The following RASSF5 variants were observed in gnomAD, a reference collection of about 807,000 sequenced individuals.
RASSF5 encodes the protein ras association domain-containing protein 5.
In RASSF5, 25 loss-of-function variants were observed where a neutral mutation model predicts 40.5. The observed-to-expected ratio is 0.62, with a 90% CI of 0.45 to 0.86. The LOEUF (loss-of-function observed/expected upper bound fraction) is 0.86. Ranked by LOEUF, RASSF5 falls within the 40% of genes least tolerant of loss-of-function variation. The pLI, the probability that RASSF5 is intolerant of heterozygous loss-of-function variation, is 0.00. For synonymous variants in RASSF5, 246 were observed against 252.4 expected, an observed-to-expected ratio of 0.97 and a Z score of 0.24; for missense variants, 521 against 572.8, an observed-to-expected ratio of 0.91 and a Z score of 0.92.
intron 1 of RASSF5, among the ~76,000 whole-genome samples, chr1:206,512,506 T>G (rs1666643752): frequency 6.6e-6 from 1 of 152,094 alleles, no homozygotes; most frequent in Admixed American, 6.6e-5. Flanking sequence ...GTAATGAACG[T>G]GTGTGTTTGC....
intron 2 of RASSF5, among the ~76,000 whole-genome samples, chr1:206,578,233 A>AAGTGTGTGT (rs1444904780): frequency 2.6e-5 from 3 of 117,494 alleles, no homozygotes; most frequent in Admixed American, 2.5e-4. Flanking sequence ...AAAAAAAAAA[A>AAGTGTGTGT]GTGTGTGTGT....
chr1:206,560,284 G>A lies in RASSF5; in HGVS notation c.579+21991G>A, dbSNP rs1415165527. 6.6e-6 allele frequency among the ~76,000 whole-genome samples: 1 copy of A among 152,194 alleles called. No individual in the cohort carries two copies. The highest frequency in any genetic ancestry group is 2.4e-5 in the African/African-American group (1 of 41,456). On this transcript the variant is annotated intron_variant, in intron 2 of 5. Transcript: ENST00000579436. The surrounding 1 kb of genome is among the most constrained non-coding windows in gnomAD (Gnocchi z 5.1). The stretch of plus-strand genomic sequence containing the variant: ...AGAGCTTCAGGGAAGCCTCACTGCT[G>A]TGCGATGCCACCACCTGGGAGTTGC...
chr1:206,553,824 T>A (rs1667913343), intron 2 of RASSF5, among the ~76,000 whole-genome samples: 1 of 152,212 alleles, frequency 6.6e-6, no homozygotes, highest in Admixed American at 6.5e-5. Context: ...GTGGTTATTA[T>A]GAGAGTAATC....
chr1:206,538,076 C>T (rs1667463074), intron 1 of RASSF5, 96 bp from the exon 2 acceptor site: 2 of 1,547,176 alleles, frequency 1.3e-6, no homozygotes, highest in African/African-American at 2.7e-5. Flanking sequence ...GCTCTTCCCA[C>T]TGGGAACTAA....
rs529094100 is a variant in RASSF5 at position 206,511,971 on chromosome 1, T to G, written c.457+3912T>G. ...GAGAAAGGTCTTCATTTCAGGCCTC[T>G]CAGAAATCATCCTGTGTTGTTCTGG... On this transcript the variant is annotated intron_variant, in intron 1 of 5. Transcript: ENST00000579436. Among the ~76,000 whole-genome samples the G allele has an allele frequency of 9.2e-5, 14 of 152,322 alleles. No individual in the cohort carries two copies. In the South Asian group the frequency reaches 2.9e-3, roughly 32 times the overall value.
rs979130047 is a variant in RASSF5 at position 206,572,464 on chromosome 1, G to A, written c.580-10805G>A. ...CTGGGATGCAGCAGAGAGGAAGGGA[G>A]TCTGTCCAGACCTGGGGCTAGGGTA... is the stretch of plus-strand genomic sequence containing the variant. On this transcript the variant is annotated intron_variant, in intron 2 of 5. Coordinates refer to ENST00000579436, the MANE Select transcript of RASSF5 (RefSeq NM_182663.4). The A allele has an allele frequency of 1.2e-4, 18 of 152,388 alleles. 2 individuals are homozygous for A. The highest frequency in any genetic ancestry group is 9.1e-4 in the Admixed American group (14 of 15,310). 9.4% of individuals were successfully genotyped at this position (152,388 alleles called of 1,614,324 possible). A position where few individuals can be genotyped will look rare whatever the true frequency, so the allele number is the denominator to read the frequency against.
At chr1:206,556,468 T>G (rs1404437889) in intron 2 of RASSF5, among the ~76,000 whole-genome samples, 1 of 152,240 alleles carries the variant, frequency 6.6e-6, no homozygotes, top group Non-Finnish European at 1.5e-5. Flanking sequence ...TATGTGTTCC[T>G]TTGTCCAGTC....
At chr1:206,514,789 G>A (rs113697339) in intron 1 of RASSF5, among the ~76,000 whole-genome samples, 19 of 152,314 alleles carry the variant, frequency 1.2e-4, no homozygotes, top group African/African-American at 3.6e-4. Flanking sequence ...GTTTGCTGAA[G>A]ATACAAGCTG....
rs1412785831 is a variant in RASSF5 at position 206,579,678 on chromosome 1, G to A, written c.580-3591G>A. ...ACTAGGAGATTTTTAAAATTCCCATGCCCAGACTGCACCCCAGACCAATTA... is the reference window on the plus strand; with the variant it reads ...ACTAGGAGATTTTTAAAATTCCCATACCCAGACTGCACCCCAGACCAATTA... On this transcript the variant is annotated intron_variant, in intron 2 of 5. Transcript: ENST00000579436. The surrounding 1 kb of genome is among the most constrained non-coding windows in gnomAD (Gnocchi z 4.2). Among the ~76,000 whole-genome samples the A allele has an allele frequency of 1.3e-5, 2 of 152,184 alleles. No individual in the cohort carries two copies. The highest frequency in any genetic ancestry group is 4.8e-5 in the African/African-American group (2 of 41,436).
At chr1:206,543,536 T>A (rs1474546760) in intron 2 of RASSF5, 1 of 150,178 alleles carries the variant, frequency 6.7e-6, no homozygotes, top group Non-Finnish European at 1.5e-5. Flanking sequence ...CCATTTGTAT[T>A]TTGCATGTAT....
At chr1:206,536,944 A>G (rs1667429707) in intron 1 of RASSF5, among the ~76,000 whole-genome samples, 1 of 152,088 alleles carries the variant, frequency 6.6e-6, no homozygotes, top group Non-Finnish European at 1.5e-5. Flanking sequence ...TGAGGACCAC[A>G]CCTCAGATCC....
At chr1:206,523,269 G>A (rs1666953831) in intron 1 of RASSF5, among the ~76,000 whole-genome samples, 1 of 147,298 alleles carries the variant, frequency 6.8e-6, no homozygotes, top group African/African-American at 2.5e-5. Context: ...GTGCCACTGT[G>A]CTCCAGCCTG....
rs192684187 is a variant in RASSF5, at chr1:206,562,714, C to T, written c.580-20555C>T. Among the ~76,000 whole-genome samples the T allele has an allele frequency of 3.5e-3, 530 of 152,182 alleles. 1 individual carries two copies. Among genetic ancestry groups the T allele is most frequent in the African/African-American group, 0.012 (502 of 41,526 alleles). ...TTGGGAGGCCGAGACGGGCGGATCA[C>T]GAGGTCAGGAGATCCAGACCATCCT... On this transcript the variant is annotated intron_variant, in intron 2 of 5. Transcript: ENST00000579436.
chr1:206,538,377 G>C, intron 2 of RASSF5, 84 bp downstream of exon 2: 1 of 1,577,132 alleles, frequency 6.3e-7, no homozygotes, highest in Non-Finnish European at 8.7e-7. Flanking sequence ...GAGCTCTGGT[G>C]AGCAGGAGGT....
In RASSF5 at chr1:206,587,022, TATTATTA is replaced by T; in HGVS notation, c.*52_*58del. The T allele has an allele frequency of 1.2e-6, 2 of 1,602,882 alleles. No individual in the cohort carries two copies. Among genetic ancestry groups the T allele is most frequent in the South Asian group, 1.1e-5 (1 of 89,694 alleles). On this transcript the variant is annotated 3_prime_UTR_variant, in exon 6 of 6. Transcript: ENST00000579436. Reference sequence around the variant, plus strand: ...CTCCTGGTGCATTCAGATTTATTTGTATTATTAATTATTATTTTGCAACAGACACTTT... The same window carrying T: ...CTCCTGGTGCATTCAGATTTATTTGTATTATTATTTTGCAACAGACACTTT...
At chr1:206,585,084 C>T (rs1347436740) in intron 4 of RASSF5, 96 bp from the exon 5 acceptor site, 15 of 841,590 alleles carry the variant, frequency 1.8e-5, no homozygotes, top group Middle Eastern at 3.4e-4. Flanking sequence ...TCCAGTTGTA[C>T]GTACCCCACC....
Position 206,507,595 on chromosome 1 carries a change from A to G in RASSF5, c.-8A>G, listed in dbSNP as rs199916734. 922 of 1,495,508 alleles carry G rather than the reference A, an allele frequency of 6.2e-4. 5 individuals are homozygous for G. In the African/African-American group the frequency reaches 0.011, roughly 19 times the overall value. The allele number at this position is 1,495,508 out of a possible 1,614,324, so 92.6% of individuals were successfully genotyped here. ...CGCCGCTGCCAAAGCTGCCGCCACT[A>G]GCCGGGCATGGCCATGGCGTCCCCG... is the stretch of plus-strand genomic sequence containing the variant. On this transcript the variant is annotated 5_prime_UTR_variant, in exon 1 of 6. Transcript: ENST00000579436.
At chr1:206,551,058 C>T (rs1667826070) in intron 2 of RASSF5, among the ~76,000 whole-genome samples, 1 of 152,144 alleles carries the variant, frequency 6.6e-6, no homozygotes, top group South Asian at 2.1e-4. Context: ...TATTCTGTGG[C>T]CACCAGAAAT....
Position 206,552,263 on chromosome 1 carries a change from A to G in RASSF5, c.579+13970A>G, listed in dbSNP as rs1433846714. ...TGTACACAGCCATTGAATGCTGAAA[A>G]TTGCTACCCTAGGGATGGCAGCATC... On this transcript the variant is annotated intron_variant, in intron 2 of 5. Coordinates refer to ENST00000579436, the MANE Select transcript of RASSF5 (RefSeq NM_182663.4). The surrounding 1 kb of genome is among the most constrained non-coding windows in gnomAD (Gnocchi z 4.1). Among the ~76,000 whole-genome samples the G allele has an allele frequency of 6.6e-6, 1 of 152,192 alleles. No individual in the cohort carries two copies. Among genetic ancestry groups the G allele is most frequent in the East Asian group, 1.9e-4 (1 of 5,198 alleles).
Sources: allele counts gnomAD v4.1 joint callset (sites outside exome capture counted in the v4.1 genomes callset), GRCh38; gene constraint gnomAD v4.1.1; non-coding constraint Gnocchi (gnomAD v3.1); transcripts MANE v1.5; gene names NCBI Gene and HGNC (gene_info 2026-07-23, HGNC 2026-07-21).